Variants in ATP8A1 observed in about 807,000 individuals in gnomAD.
ATP8A1 encodes ATPase phospholipid transporting 8A1.
In ATP8A1, 90 loss-of-function variants were observed where a neutral mutation model predicts 177.7. The ratio of observed to expected loss-of-function variants is 0.51; its 90% CI spans 0.43 to 0.60. The LOEUF (loss-of-function observed/expected upper bound fraction) is 0.60, where lower values mean the gene tolerates loss of function less well. Among genes scored for constraint, ATP8A1 ranks in the 20% least tolerant of loss-of-function variants. ATP8A1 has a pLI of 0.00. For missense variants in ATP8A1, 1,072 were observed against 1,392.8 expected (o/e 0.77, Z 3.67); for synonymous variants, 493 against 485.9 (o/e 1.01, Z -0.19).
At chr4:42,580,752 A>C (rs1732952465) in intron 10 of ATP8A1, among the ~76,000 whole-genome samples, 1 of 152,228 alleles carries the variant, frequency 6.6e-6, no homozygotes, top group African/African-American at 2.4e-5. Flanking sequence ...TAGTTTCTTA[A>C]AACTGTTTTC....
intron 5 of ATP8A1, among the ~76,000 whole-genome samples, chr4:42,609,197 GCAGT>G (rs1240446318): frequency 2.0e-5 from 3 of 152,204 alleles, no homozygotes; most frequent in African/African-American, 7.2e-5. Context: ...CCCCTCACCA[GCAGT>G]GTCACTGAGA....
At chr4:42,435,440 AAAAAAAAAAC>A (rs1715834805) in intron 33 of ATP8A1, among the ~76,000 whole-genome samples, 8 of 89,694 alleles carry the variant, frequency 8.9e-5, no homozygotes, top group Non-Finnish European at 1.8e-4. Flanking sequence ...AAAAAAAAAA[AAAAAAAAAAC>A]AAAAAAAAAA....
At position 42,625,710 on chromosome 4, in the gene ATP8A1, A is replaced by C; in HGVS notation, c.168T>G (p.Thr56=). 1 of 1,584,446 alleles carries C rather than the reference A, an allele frequency of 6.3e-7. No individual in the cohort carries two copies. Residue 56 remains threonine, a synonymous_variant, in exon 3 of 37, where the codon ACT becomes ACG. Coordinates refer to ENST00000381668, the MANE Select transcript of ATP8A1 (RefSeq NM_006095.2). Reference sequence around the variant, plus strand: ...GGAATGTGATTATGTTGTATTTTGCAGTGCTAGAAAACAAAAATGAAAAGT... The same window carrying C: ...GGAATGTGATTATGTTGTATTTTGCCGTGCTAGAAAACAAAAATGAAAAGT... ...LTKFCNNHVS[T]AKYNIITFLP... is the part of the protein sequence containing the mutation.
At chr4:42,539,394 TA>T (rs113714705) in intron 20 of ATP8A1, among the ~76,000 whole-genome samples, 1 of 64,400 alleles carries the variant, frequency 1.6e-5, no homozygotes, top group East Asian at 5.8e-4. Flanking sequence ...TAAAATAAAA[TA>T]CCCCCCCCCC....
At chr4:42,459,588 A>C (rs1718866315) in intron 27 of ATP8A1, 1 of 259,644 alleles carries the variant, frequency 3.9e-6, no homozygotes, top group Admixed American at 5.2e-5. Flanking sequence ...GGGATTGAGA[A>C]TAGAAAAATA....
At position 42,586,359 on chromosome 4, in the gene ATP8A1, C is replaced by G. The variant is rs1256435467; in HGVS notation, c.712G>C (p.Asp238His). ...ACGGATTTTACATACCCATGTCCATCAAGCCTTATGTTTCCAACAAAATCG... is the reference window on the plus strand; with the variant it reads ...ACGGATTTTACATACCCATGTCCATGAAGCCTTATGTTTCCAACAAAATCG... ...LYDFVGNIRL[D>H]GHGTVPLGAD... is the part of the protein sequence containing the mutation. Residue 238 changes from aspartate (D) to histidine (H), a missense_variant, in exon 9 of 37, where the codon GAT becomes CAT. Physicochemically the swap from Asp to His is moderately conservative, Grantham distance 81. This residue lies in a region of ATP8A1 where 344 missense variants were observed against 393.5 expected (regional missense o/e 0.87). Coordinates refer to ENST00000381668, the MANE Select transcript of ATP8A1 (RefSeq NM_006095.2). 6.2e-7 allele frequency: 1 copy of G among 1,613,978 alleles called. No homozygotes were observed. Among genetic ancestry groups the G allele is most frequent in the Non-Finnish European group, 8.5e-7 (1 of 1,179,942 alleles).
intron 30 of ATP8A1, among the ~76,000 whole-genome samples, 173 bp from the exon 31 acceptor site, chr4:42,446,817 G>C (rs1234059978): frequency 6.6e-6 from 1 of 151,382 alleles, no homozygotes; most frequent in Non-Finnish European, 1.5e-5. Context: ...TAACAAAGCT[G>C]CTGTAAAGAT....
rs759176554 is a variant in ATP8A1, at chr4:42,537,779, A to G, written c.1722+6138T>C. On this transcript the variant is annotated intron_variant, in intron 20 of 36. Coordinates refer to ENST00000381668, the MANE Select transcript of ATP8A1 (RefSeq NM_006095.2). ...ATCACAGACGACACAAACAAAGGCA[A>G]ACACATCCCATGCTCATGGATGGGT... is the stretch of plus-strand genomic sequence containing the variant. Among the ~76,000 whole-genome samples the G allele has an allele frequency of 5.4e-4, 83 of 152,356 alleles. No homozygotes were observed. In the Middle Eastern group the frequency reaches 0.017, roughly 31 times the overall value.
At chr4:42,573,041 T>C (rs1732063121) in intron 14 of ATP8A1, among the ~76,000 whole-genome samples, 1 of 152,228 alleles carries the variant, frequency 6.6e-6, no homozygotes, top group African/African-American at 2.4e-5. Flanking sequence ...CACTGCTCTT[T>C]AGAACTACTG....
intron 6 of ATP8A1, among the ~76,000 whole-genome samples, chr4:42,594,861 T>A (rs1734570517): frequency 6.6e-6 from 1 of 152,170 alleles, no homozygotes; most frequent in South Asian, 2.1e-4. Flanking sequence ...TAGACTCAAA[T>A]CCACATTTGA....
chr4:42,622,675 C>A (rs1434480673), intron 4 of ATP8A1, among the ~76,000 whole-genome samples: 1 of 152,038 alleles, frequency 6.6e-6, no homozygotes, highest in East Asian at 1.9e-4. Context: ...CCGGCATCTA[C>A]AAGGAACTTA....
chr4:42,602,178 G>A (rs1735349624), intron 5 of ATP8A1, among the ~76,000 whole-genome samples: 1 of 152,132 alleles, frequency 6.6e-6, no homozygotes, highest in Non-Finnish European at 1.5e-5. Context: ...TATCTTAACC[G>A]CAGAAGTTAA....
chr4:42,507,214 A>C (rs1354504866), intron 22 of ATP8A1, 60 bp from the exon 23 acceptor site: 3 of 1,542,588 alleles, frequency 1.9e-6, no homozygotes, highest in Non-Finnish European at 2.7e-6. Context: ...TAAAAACAAA[A>C]AATTGAAGTG....
At chr4:42,489,267 C>G (rs1393469726) in intron 24 of ATP8A1, among the ~76,000 whole-genome samples, 2 of 152,132 alleles carry the variant, frequency 1.3e-5, no homozygotes, top group Non-Finnish European at 2.9e-5. Context: ...AAAACAAGAC[C>G]GAAAGTCAAG....
chr4:42,598,947 C>T (rs1008979868), intron 6 of ATP8A1, among the ~76,000 whole-genome samples: 1 of 152,100 alleles, frequency 6.6e-6, no homozygotes, highest in Admixed American at 6.5e-5. Flanking sequence ...TTCTTTATCT[C>T]AAAATGGGAT....
chr4:42,435,439 A>AC (rs1209041904), intron 33 of ATP8A1, among the ~76,000 whole-genome samples: 11 of 103,694 alleles, frequency 1.1e-4, no homozygotes, highest in Admixed American at 8.3e-4. Flanking sequence ...AAAAAAAAAA[A>AC]AAAAAAAAAA....
At chr4:42,500,688 C>T (rs1157284777) in intron 24 of ATP8A1, among the ~76,000 whole-genome samples, 4 of 152,070 alleles carry the variant, frequency 2.6e-5, no homozygotes, top group African/African-American at 9.7e-5. Context: ...ACATTCTAGC[C>T]GGGGCTGCTG....
chr4:42,495,268 G>C (rs1459225584), intron 24 of ATP8A1, among the ~76,000 whole-genome samples: 4 of 152,208 alleles, frequency 2.6e-5, no homozygotes, highest in African/African-American at 9.6e-5. Flanking sequence ...ACCATATCAA[G>C]TATGGACAAT....
chr4:42,610,921 A>C (rs1024267288), intron 5 of ATP8A1, among the ~76,000 whole-genome samples: 1 of 152,184 alleles, frequency 6.6e-6, no homozygotes, highest in Non-Finnish European at 1.5e-5. Flanking sequence ...AGAGACAAAA[A>C]GGGAGCAACA....
Sources: allele counts gnomAD v4.1 joint callset (sites outside exome capture counted in the v4.1 genomes callset), GRCh38; gene constraint gnomAD v4.1.1; regional missense constraint gnomAD v4.1.1; transcripts MANE v1.5; gene names NCBI Gene and HGNC (gene_info 2026-07-23, HGNC 2026-07-21).